Variants in KIAA2012 observed in about 807,000 individuals in gnomAD.
KIAA2012 encodes the protein uncharacterized protein KIAA2012.
Under a neutral mutation model 150.6 loss-of-function variants are expected in KIAA2012, and 125 were observed. That is an observed-to-expected ratio of 0.83 (90% CI 0.72 to 0.96). KIAA2012 has a LOEUF of 0.96. Ranked by LOEUF, KIAA2012 falls within the 40% of genes least tolerant of loss-of-function variation. The probability of loss-of-function intolerance (pLI) is 0.00; values close to 1 mark genes in which losing one functional copy is unlikely to be tolerated. For synonymous variants in KIAA2012, 462 were observed against 504.7 expected (o/e 0.92, Z 1.13); for missense variants, 1,219 against 1,354.9 (o/e 0.90, Z 1.57).
At chr2:202,158,751 A>G (rs903064729) in intron 14 of KIAA2012, among the ~76,000 whole-genome samples, 1 of 152,232 alleles carries the variant, frequency 6.6e-6, no homozygotes, top group Non-Finnish European at 1.5e-5. Flanking sequence ...TCAAAAAGAA[A>G]TGGTAATTGA....
At chr2:202,087,674 TC>T (rs1391898627) in intron 2 of KIAA2012, among the ~76,000 whole-genome samples, 1 of 152,112 alleles carries the variant, frequency 6.6e-6, no homozygotes, top group Non-Finnish European at 1.5e-5. Context: ...CCTTCCACCA[TC>T]CTTTGAATGT....
At chr2:202,145,873 C>T (rs1315256618) in intron 13 of KIAA2012, among the ~76,000 whole-genome samples, 2 of 151,628 alleles carry the variant, frequency 1.3e-5, no homozygotes, top group African/African-American at 4.8e-5. Context: ...TTAGTAGAGT[C>T]GGGGTTTCGC....
intron 2 of KIAA2012, among the ~76,000 whole-genome samples, chr2:202,088,023 T>G (rs1021246879): frequency 6.6e-6 from 1 of 151,480 alleles, no homozygotes; most frequent in African/African-American, 2.4e-5. Context: ...GTATAACAAC[T>G]ATTTATACCG....
At chr2:202,201,502 G>T (rs1692525393) in intron 22 of KIAA2012, 2 of 1,606,182 alleles carry the variant, frequency 1.2e-6, no homozygotes, top group Non-Finnish European at 1.7e-6. Context: ...CATCCAGGAG[G>T]TGGAGGAAGA....
chr2:202,123,942 A>C (rs1425019789), intron 11 of KIAA2012, among the ~76,000 whole-genome samples: 1 of 152,132 alleles, frequency 6.6e-6, no homozygotes, highest in East Asian at 1.9e-4. Flanking sequence ...TTATCCCAGC[A>C]CTTTGGGAGG....
At chr2:202,158,563 T>C (rs745595153) in intron 14 of KIAA2012, among the ~76,000 whole-genome samples, 2 of 151,926 alleles carry the variant, frequency 1.3e-5, no homozygotes, top group Admixed American at 1.3e-4. Flanking sequence ...GGTTTCACCA[T>C]GTTGGCCAGG....
chr2:202,192,416 C>A (rs917266767), intron 19 of KIAA2012, among the ~76,000 whole-genome samples: 4 of 151,644 alleles, frequency 2.6e-5, no homozygotes, highest in Non-Finnish European at 5.9e-5. Flanking sequence ...GTGAATCTGA[C>A]CCATCTATAC....
intron 14 of KIAA2012, among the ~76,000 whole-genome samples, chr2:202,159,537 CAG>C (rs1691606300): frequency 6.6e-6 from 1 of 152,068 alleles, no homozygotes; most frequent in African/African-American, 2.4e-5. Context: ...TTTAATAAAA[CAG>C]AAATAATAAT....
chr2:202,080,191 T>A lies in KIAA2012; in HGVS notation c.369+5016T>A, dbSNP rs575313444. ...GCATCTCCCCAGCTTTAACAGTATG[T>A]TTAAAAAGTGGATCTGAGTCTTTCA... is the stretch of plus-strand genomic sequence containing the variant. On this transcript the variant is annotated intron_variant, in intron 2 of 23. Coordinates refer to ENST00000498697, the MANE Select transcript of KIAA2012 (RefSeq NM_001277372.4). 2.6e-5 allele frequency among the ~76,000 whole-genome samples: 4 copies of A among 152,322 alleles called. No individual in the cohort carries two copies. The South Asian group carries it at 8.3e-4, about 32-fold the overall frequency.
At chr2:202,167,572 A>T (rs1021503604) in intron 15 of KIAA2012, among the ~76,000 whole-genome samples, 5 of 152,146 alleles carry the variant, frequency 3.3e-5, no homozygotes, top group African/African-American at 1.2e-4. Context: ...CATGGTTCCA[A>T]CCCCAGCACT....
At chr2:202,096,110 G>C (rs1219652102) in intron 4 of KIAA2012, among the ~76,000 whole-genome samples, 1 of 151,932 alleles carries the variant, frequency 6.6e-6, no homozygotes. Context: ...AAAAAAAAGA[G>C]ACTATTTAGT....
At chr2:202,092,643 G>T (rs957798779) in intron 3 of KIAA2012, among the ~76,000 whole-genome samples, 4 of 152,122 alleles carry the variant, frequency 2.6e-5, no homozygotes, top group Non-Finnish European at 4.4e-5. Flanking sequence ...CTTATAGAAT[G>T]ACTGGATTGA....
chr2:202,121,688 G>A (rs1382686138), intron 11 of KIAA2012, among the ~76,000 whole-genome samples: 2 of 152,180 alleles, frequency 1.3e-5, no homozygotes, highest in Non-Finnish European at 2.9e-5. Context: ...GGCAGAGCTG[G>A]GCTTCATTCC....
intron 2 of KIAA2012, among the ~76,000 whole-genome samples, chr2:202,081,075 T>C (rs1574999858): frequency 6.6e-6 from 1 of 152,246 alleles, no homozygotes; most frequent in East Asian, 1.9e-4. Flanking sequence ...GAACTTCATA[T>C]AAGTGAAAGC....
intron 7 of KIAA2012, 73 bp downstream of exon 7, chr2:202,100,522 C>G (rs2105921537): frequency 1.4e-6 from 2 of 1,455,136 alleles, no homozygotes; most frequent in South Asian, 2.8e-5. Context: ...TAATCCTAAT[C>G]TAGAAATAAG....
intron 15 of KIAA2012, among the ~76,000 whole-genome samples, chr2:202,182,542 AGTTTATCT>A (rs1350129291): frequency 6.6e-6 from 1 of 152,152 alleles, no homozygotes; most frequent in Non-Finnish European, 1.5e-5. Context: ...TATATACACC[AGTTTATCT>A]GTTTATCTGT....
In KIAA2012 at chr2:202,109,649, T is replaced by C; in HGVS notation, c.1511T>C (p.Leu504Ser). 6.5e-7 allele frequency: 1 copy of C among 1,549,630 alleles called. No homozygotes were observed. Among genetic ancestry groups the C allele is most frequent in the South Asian group, 1.2e-5 (1 of 83,824 alleles). Reference sequence around the variant, plus strand: ...CCACCTCACGATGTGGCCCCACCATTGGATCTTCTACCCCCGATTAAAGGA... The same window carrying C: ...CCACCTCACGATGTGGCCCCACCATCGGATCTTCTACCCCCGATTAAAGGA... The part of the protein sequence containing the change: ...DAPPHDVAPP[L>S]DLLPPIKGKK... The change falls in exon 10 of 24, where the codon TTG (leucine) becomes TCG (serine). Residue 504 changes from leucine (L) to serine (S), a missense_variant. By Grantham distance (145) the Leu-to-Ser change is moderately radical (BLOSUM62 -2). Coordinates refer to ENST00000498697, the MANE Select transcript of KIAA2012 (RefSeq NM_001277372.4).
At chr2:202,097,324 G>A in intron 4 of KIAA2012, 111 bp from the exon 5 acceptor site, 1 of 1,468,020 alleles carries the variant, frequency 6.8e-7, no homozygotes, top group South Asian at 1.4e-5. Flanking sequence ...GAGCAAGGGA[G>A]GGCCTTGAGC....
At chr2:202,101,039 A>AT (rs1378935692) in intron 7 of KIAA2012, among the ~76,000 whole-genome samples, 36 of 152,292 alleles carry the variant, frequency 2.4e-4, no homozygotes, top group Admixed American at 8.5e-4. Context: ...GGGCCCCCGG[A>AT]TGTTCTGCCC....
Sources: gnomAD v4.1 joint callset for allele counts (sites outside exome capture counted in the v4.1 genomes callset) on GRCh38, gnomAD v4.1.1 for gene constraint, MANE v1.5 for transcripts, NCBI Gene and HGNC (gene_info 2026-07-23, HGNC 2026-07-21) for gene names.